Variants in SLC8B1 observed in about 807,000 individuals in gnomAD.
The protein encoded by SLC8B1 is mitochondrial sodium/calcium exchanger protein.
SLC8B1 carries 52 observed loss-of-function variants against 63.4 expected under a neutral mutation model. The observed-to-expected ratio is 0.82, with a 90% CI of 0.66 to 1.03. The LOEUF (loss-of-function observed/expected upper bound fraction) is 1.03, where lower values mean the gene tolerates loss of function less well. Among genes scored for constraint, SLC8B1 ranks in the 50% least tolerant of loss-of-function variants. The probability of loss-of-function intolerance (pLI) is 0.00; values close to 1 mark genes in which losing one functional copy is unlikely to be tolerated. For synonymous variants in SLC8B1, 336 were observed against 323.9 expected, an observed-to-expected ratio of 1.04 and a Z score of -0.40; for missense variants, 657 against 741.7, an observed-to-expected ratio of 0.89 and a Z score of 1.33.
chr12:113,315,149 G>C (rs1412289665), intron 11 of SLC8B1, among the ~76,000 whole-genome samples, 186 bp downstream of exon 11: 2 of 152,240 alleles, frequency 1.3e-5, no homozygotes, highest in Non-Finnish European at 2.9e-5. Context: ...AGCTGGGCGT[G>C]GTAGTGCACG....
intron 2 of SLC8B1, among the ~76,000 whole-genome samples, chr12:113,331,821 A>G (rs1957058702): frequency 2.0e-5 from 3 of 152,132 alleles, no homozygotes; most frequent in Non-Finnish European, 4.4e-5. Context: ...AACTCCGACT[A>G]ACACAGATTT....
At chr12:113,332,196 C>T (rs973316888) in intron 2 of SLC8B1, among the ~76,000 whole-genome samples, 7 of 152,190 alleles carry the variant, frequency 4.6e-5, no homozygotes, top group African/African-American at 1.2e-4. Context: ...GAAAAGCTCA[C>T]GCCCTCCCCC....
chr12:113,325,249 C>G (rs996313207), intron 2 of SLC8B1, among the ~76,000 whole-genome samples: 1 of 152,028 alleles, frequency 6.6e-6, no homozygotes, highest in Non-Finnish European at 1.5e-5. Context: ...TGTTCATTTC[C>G]TTGTTTACTG....
intron 2 of SLC8B1, among the ~76,000 whole-genome samples, chr12:113,326,047 C>T (rs1203267135): frequency 1.3e-5 from 2 of 152,196 alleles, no homozygotes; most frequent in African/African-American, 4.8e-5. Flanking sequence ...CAGCAAACTT[C>T]GGCCCCTGGA....
At chr12:113,328,222 T>A (rs1398055945) in intron 2 of SLC8B1, among the ~76,000 whole-genome samples, 1 of 151,954 alleles carries the variant, frequency 6.6e-6, no homozygotes, top group Non-Finnish European at 1.5e-5. Context: ...TGAGAAGGGG[T>A]CTCGCCTTGT....
chr12:113,328,253 TC>T (rs1324044018), intron 2 of SLC8B1, among the ~76,000 whole-genome samples: 2 of 152,152 alleles, frequency 1.3e-5, no homozygotes, highest in Non-Finnish European at 2.9e-5. Context: ...AGTCTCAAAC[TC>T]CTGGGCTCAA....
intron 11 of SLC8B1, among the ~76,000 whole-genome samples, chr12:113,312,924 G>A (rs1383826668): frequency 6.6e-6 from 1 of 150,512 alleles, no homozygotes; most frequent in Non-Finnish European, 1.5e-5. Flanking sequence ...TTTCTATTTT[G>A]AGACAGAGTC....
intron 2 of SLC8B1, among the ~76,000 whole-genome samples, chr12:113,327,390 A>G (rs1957008451): frequency 6.6e-6 from 1 of 152,140 alleles, no homozygotes; most frequent in East Asian, 1.9e-4. Flanking sequence ...GGGGGCAATA[A>G]CACCCACAAG....
intron 8 of SLC8B1, 32 bp downstream of exon 8, chr12:113,318,932 G>T: frequency 6.3e-7 from 1 of 1,578,470 alleles, no homozygotes. Flanking sequence ...AGTCCCCACT[G>T]GTCCTCTCTG....
chr12:113,319,010 T>C lies in SLC8B1; in HGVS notation c.756A>G (p.Gln252=), dbSNP rs147607129. ...AGAACAGAGATCCTCTCCGTTGCCG[T>C]TGGTAGATCCAGGTGCAGAGAATCA... ...VTVILCTWIY[Q]RQRRGSLFCP... The change falls in exon 8 of 16, where the codon CAA becomes CAG. Residue 252 remains glutamine (Q), a synonymous_variant. Coordinates refer to ENST00000680972, the MANE Select transcript of SLC8B1 (RefSeq NM_001358345.2). The C allele has an allele frequency of 2.1e-5, 34 of 1,614,030 alleles. No homozygotes were observed. The African/African-American group carries it at 4.0e-4, about 19-fold the overall frequency.
At chr12:113,303,112 T>G (rs1956618317) in intron 15 of SLC8B1, among the ~76,000 whole-genome samples, 1 of 112,698 alleles carries the variant, frequency 8.9e-6, no homozygotes, top group African/African-American at 4.6e-5. Flanking sequence ...ACAAAGGCGG[T>G]GGACACACAC....
At chr12:113,318,898 G>A (rs1956881654) in intron 8 of SLC8B1, 66 bp downstream of exon 8, 6 of 1,262,486 alleles carry the variant, frequency 4.8e-6, no homozygotes, top group Non-Finnish European at 6.9e-6. Flanking sequence ...ACCCTGGGCA[G>A]CACTGAAGGG....
intron 2 of SLC8B1, among the ~76,000 whole-genome samples, chr12:113,322,563 C>A (rs922264550): frequency 1.3e-5 from 2 of 152,154 alleles, no homozygotes; most frequent in African/African-American, 4.8e-5. Flanking sequence ...AGAGGGTATC[C>A]TGGTCTGGGT....
At chr12:113,313,782 G>C (rs1226908186) in intron 11 of SLC8B1, among the ~76,000 whole-genome samples, 1 of 152,046 alleles carries the variant, frequency 6.6e-6, no homozygotes, top group Non-Finnish European at 1.5e-5. Context: ...TATAGAGTAA[G>C]AGCAAAATTG....
At chr12:113,317,281 G>C (rs1045571650) in intron 8 of SLC8B1, among the ~76,000 whole-genome samples, 1 of 152,040 alleles carries the variant, frequency 6.6e-6, no homozygotes, top group Admixed American at 6.6e-5. Flanking sequence ...TTAGAGATGG[G>C]GTCTTGCTAT....
chr12:113,323,575 G>A (rs1432954443), intron 2 of SLC8B1, among the ~76,000 whole-genome samples: 1 of 152,086 alleles, frequency 6.6e-6, no homozygotes, highest in East Asian at 1.9e-4. Flanking sequence ...CAGGCGTGGT[G>A]ACATCCACCT....
At chr12:113,303,368 C>T (rs1034410991) in intron 15 of SLC8B1, among the ~76,000 whole-genome samples, 3 of 152,180 alleles carry the variant, frequency 2.0e-5, no homozygotes, top group Non-Finnish European at 2.9e-5. Flanking sequence ...ACCCTGCCCC[C>T]GGCTAACAGG....
rs546741721 is a variant in SLC8B1 at position 113,317,830 on chromosome 12, GTGTA to G, written c.803-833_803-830del. ...GTGTGTGCATGTATTTGTGTGTATT[GTGTA>G]TGTGAGTGCATGAATTTGTGTATGT... is the stretch of plus-strand genomic sequence containing the variant. On this transcript the variant is annotated intron_variant, in intron 8 of 15. Coordinates refer to ENST00000680972, the MANE Select transcript of SLC8B1 (RefSeq NM_001358345.2). Among the ~76,000 whole-genome samples the G allele has an allele frequency of 3.9e-3, 599 of 152,120 alleles. 1 individual carries two copies. The highest frequency in any genetic ancestry group is 5.3e-3 in the Non-Finnish European group (357 of 67,970).
chr12:113,299,549 A>T lies in SLC8B1; in HGVS notation c.*228T>A. 1 of 549,314 alleles carries T rather than the reference A, an allele frequency of 1.8e-6. No homozygotes were observed. Among genetic ancestry groups the T allele is most frequent in the South Asian group, 2.0e-5 (1 of 49,776 alleles). The allele number at this position is 549,314 out of a possible 1,614,324, so 34.0% of individuals were successfully genotyped here. On this transcript the variant is annotated 3_prime_UTR_variant, in exon 16 of 16. Coordinates refer to ENST00000680972, the MANE Select transcript of SLC8B1 (RefSeq NM_001358345.2). The stretch of plus-strand genomic sequence containing the variant: ...CTTCTCTCTGGAACCCTTTGTCCAG[A>T]GCAAAGCCAGGTTTCCAAGGTCCCC...
Sources: allele counts gnomAD v4.1 joint callset (sites outside exome capture counted in the v4.1 genomes callset), GRCh38; gene constraint gnomAD v4.1.1; transcripts MANE v1.5; gene names NCBI Gene and HGNC (gene_info 2026-07-23, HGNC 2026-07-21).